Variants in CERS6 observed in about 807,000 individuals in gnomAD.
CERS6 encodes the protein ceramide synthase 6.
CERS6 carries 26 observed loss-of-function variants against 56.8 expected under a neutral mutation model. That is an observed-to-expected ratio of 0.46 (90% CI 0.34 to 0.63). CERS6 has a LOEUF of 0.63. Among genes scored for constraint, CERS6 ranks in the 30% least tolerant of loss-of-function variants. The pLI is 0.01. For missense variants in CERS6, 415 were observed against 467.5 expected, an observed-to-expected ratio of 0.89 and a Z score of 1.04; for synonymous variants, 164 against 173.3, an observed-to-expected ratio of 0.95 and a Z score of 0.42.
intron 8 of CERS6, among the ~76,000 whole-genome samples, chr2:168,735,880 C>CAAAAAA (rs145418479): frequency 5.6e-5 from 6 of 106,510 alleles, no homozygotes; most frequent in African/African-American, 1.5e-4. Flanking sequence ...GACCCTGTCT[C>CAAAAAA]AAAAAAAAAA....
chr2:168,509,947 G>C (rs1694748944), intron 1 of CERS6, among the ~76,000 whole-genome samples: 1 of 152,120 alleles, frequency 6.6e-6, no homozygotes, highest in Non-Finnish European at 1.5e-5. Flanking sequence ...GATTTGTGTT[G>C]TTTTAGTTTC....
At chr2:168,552,564 G>T (rs1695595629) in intron 2 of CERS6, among the ~76,000 whole-genome samples, 2 of 152,126 alleles carry the variant, frequency 1.3e-5, no homozygotes, top group Non-Finnish European at 2.9e-5. Flanking sequence ...AGGGCCGTGT[G>T]GGGGTGGGTG....
intron 1 of CERS6, among the ~76,000 whole-genome samples, chr2:168,478,750 C>G (rs1254405570): frequency 6.6e-6 from 1 of 152,206 alleles, no homozygotes; most frequent in African/African-American, 2.4e-5. Flanking sequence ...ATCAGTTACC[C>G]TGGCCCTTCT....
chr2:168,634,052 T>A (rs1012908541), intron 4 of CERS6, among the ~76,000 whole-genome samples: 1 of 152,168 alleles, frequency 6.6e-6, no homozygotes, highest in Non-Finnish European at 1.5e-5. Context: ...TGTGTCTCAT[T>A]TTCTATGGTG....
chr2:168,752,950 A>G (rs1684318422), intron 8 of CERS6, among the ~76,000 whole-genome samples: 1 of 152,222 alleles, frequency 6.6e-6, no homozygotes, highest in Admixed American at 6.5e-5. Flanking sequence ...ATGAAGACTC[A>G]CCAGAGAAGA....
chr2:168,627,423 A>G lies in CERS6; in HGVS notation c.408-3562A>G, dbSNP rs895431609. ...TAATGTATTTTTAGAGCCTCTGAAT[A>G]TATGAGAATACTTTTCATATATTCC... On this transcript the variant is annotated intron_variant, in intron 3 of 9. Coordinates refer to ENST00000305747, the MANE Select transcript of CERS6 (RefSeq NM_203463.3). Among the ~76,000 whole-genome samples, 8 of 152,336 alleles carry G rather than the reference A, an allele frequency of 5.3e-5. No homozygotes were observed. The East Asian group carries it at 1.5e-3, about 29-fold the overall frequency.
intron 1 of CERS6, among the ~76,000 whole-genome samples, chr2:168,531,098 G>A (rs1695158351): frequency 6.6e-6 from 1 of 152,134 alleles, no homozygotes; most frequent in African/African-American, 2.4e-5. Context: ...AAGGTTTATA[G>A]GATTCAGGCT....
At chr2:168,702,452 A>G (rs555980510) in intron 6 of CERS6, among the ~76,000 whole-genome samples, 3 of 152,364 alleles carry the variant, frequency 2.0e-5, no homozygotes, top group Non-Finnish European at 4.4e-5. Flanking sequence ...ATTTGTGGTC[A>G]GTGATAAAAC....
At chr2:168,579,927 C>A (rs932763392) in intron 3 of CERS6, among the ~76,000 whole-genome samples, 3 of 152,160 alleles carry the variant, frequency 2.0e-5, no homozygotes, top group African/African-American at 7.2e-5. Flanking sequence ...CAACTTTCTG[C>A]ATCTCCCTAG....
intron 2 of CERS6, among the ~76,000 whole-genome samples, chr2:168,553,007 A>G (rs944115748): frequency 6.6e-6 from 1 of 152,224 alleles, no homozygotes; most frequent in Non-Finnish European, 1.5e-5. Flanking sequence ...CAGAGGAAAT[A>G]TAAGAACTAA....
At chr2:168,724,816 A>G (rs956107928) in intron 8 of CERS6, among the ~76,000 whole-genome samples, 11 of 152,238 alleles carry the variant, frequency 7.2e-5, no homozygotes, top group Non-Finnish European at 1.2e-4. Context: ...CACCAGACTC[A>G]GGAGCCCAGC....
chr2:168,672,423 T>C (rs935816020), intron 4 of CERS6, among the ~76,000 whole-genome samples: 1 of 152,216 alleles, frequency 6.6e-6, no homozygotes, highest in Non-Finnish European at 1.5e-5. Context: ...GCTAATATTG[T>C]AGACATCAGC....
intron 2 of CERS6, among the ~76,000 whole-genome samples, chr2:168,551,793 A>G (rs775779966): frequency 1.3e-5 from 2 of 152,208 alleles, no homozygotes; most frequent in Non-Finnish European, 2.9e-5. Flanking sequence ...ACCCATTCAA[A>G]TGAACAGAAT....
In CERS6 at chr2:168,491,632, C is replaced by T. The variant is rs181198369; in HGVS notation, c.170+35014C>T. 2.3e-4 allele frequency among the ~76,000 whole-genome samples: 35 copies of T among 151,984 alleles called. 1 individual carries two copies. The East Asian group carries it at 4.8e-3, about 21-fold the overall frequency. On this transcript the variant is annotated intron_variant, in intron 1 of 9. Coordinates refer to ENST00000305747, the MANE Select transcript of CERS6 (RefSeq NM_203463.3). Reference sequence around the variant, plus strand: ...ATAGTGTTCAAGTTTTCTAGCTTCTCTTTTTTTTAAAAATTATACTTTAAG... The same window carrying T: ...ATAGTGTTCAAGTTTTCTAGCTTCTTTTTTTTTTAAAAATTATACTTTAAG...
chr2:168,502,963 C>G lies in CERS6; in HGVS notation c.171-44633C>G, dbSNP rs556065818. On this transcript the variant is annotated intron_variant, in intron 1 of 9. Coordinates refer to ENST00000305747, the MANE Select transcript of CERS6 (RefSeq NM_203463.3). ...GAAGGGTGTCTTATATGGTTTGGCT[C>G]TGTGTCCCCACCCAAATCTCATCTT... 2.6e-5 allele frequency among the ~76,000 whole-genome samples: 4 copies of G among 152,304 alleles called. No individual in the cohort carries two copies. In the South Asian group the frequency reaches 8.3e-4, roughly 32 times the overall value.
intron 3 of CERS6, among the ~76,000 whole-genome samples, chr2:168,628,283 G>T (rs1684636078): frequency 6.6e-6 from 1 of 152,122 alleles, no homozygotes; most frequent in South Asian, 2.1e-4. Flanking sequence ...CCTGCTCACA[G>T]AGGGGATGTG....
intron 1 of CERS6, among the ~76,000 whole-genome samples, chr2:168,516,056 A>ATTTTCAATAC (rs1222799092): frequency 1.3e-5 from 2 of 152,214 alleles, no homozygotes; most frequent in Non-Finnish European, 2.9e-5. Context: ...CAAGGCTTCC[A>ATTTTCAATAC]TTTTCAATAC....
intron 7 of CERS6, 106 bp downstream of exon 7, chr2:168,715,235 T>A: frequency 1.2e-6 from 1 of 867,072 alleles, no homozygotes; most frequent in Non-Finnish European, 1.7e-6. Flanking sequence ...GGTACAATAG[T>A]AAATAACTAC....
rs116127660 is a variant in CERS6 at position 168,641,323 on chromosome 2, G to A, written c.465+10281G>A. On this transcript the variant is annotated intron_variant, in intron 4 of 9. Coordinates refer to ENST00000305747, the MANE Select transcript of CERS6 (RefSeq NM_203463.3). ...CAGTTTAACCGATTTGTTCTTGAGA[G>A]TTCTTCCCTGGCTTCCCATAGAAAC... 7.3e-3 allele frequency among the ~76,000 whole-genome samples: 1,117 copies of A among 152,202 alleles called. 5 individuals carry two copies. Among genetic ancestry groups the A allele is most frequent in the Non-Finnish European group, 0.012 (821 of 68,016 alleles).
Sources: gnomAD v4.1 joint callset for allele counts (sites outside exome capture counted in the v4.1 genomes callset) on GRCh38, gnomAD v4.1.1 for gene constraint, MANE v1.5 for transcripts, NCBI Gene and HGNC (gene_info 2026-07-23, HGNC 2026-07-21) for gene names.